SUPV3L1: variants seen among roughly 807,000 people sequenced by gnomAD.
SUPV3L1 encodes Suv3 like RNA helicase.
A neutral mutation model predicts 70.0 loss-of-function variants in SUPV3L1; 35 were observed. The observed-to-expected ratio is 0.50, with a 90% CI of 0.38 to 0.66. The LOEUF (loss-of-function observed/expected upper bound fraction) is 0.66. SUPV3L1 is among the 30% of genes least tolerant of loss of function. SUPV3L1 has a pLI of 0.00. For synonymous variants in SUPV3L1, 364 were observed against 341.9 expected, an observed-to-expected ratio of 1.06 and a Z score of -0.71; for missense variants, 777 against 961.5, an observed-to-expected ratio of 0.81 and a Z score of 2.54.
At chr10:69,186,697 G>A (rs1051212807) in intron 3 of SUPV3L1, 147 bp downstream of exon 3, 1 of 668,876 alleles carries the variant, frequency 1.5e-6, no homozygotes, top group African/African-American at 1.8e-5. Flanking sequence ...TTCACAGGAT[G>A]ACTTCTAGGT....
At chr10:69,206,412 T>G (rs879420037) in intron 13 of SUPV3L1, among the ~76,000 whole-genome samples, 2 of 152,246 alleles carry the variant, frequency 1.3e-5, no homozygotes, top group African/African-American at 2.4e-5. Context: ...AGCTTGAATC[T>G]TGAAGCTGAA....
chr10:69,207,938 T>C lies in SUPV3L1; in HGVS notation c.1922T>C (p.Leu641Pro), dbSNP rs1175023860. 6.2e-7 allele frequency: 1 copy of C among 1,613,416 alleles called. No homozygotes were observed. The change falls in exon 14 of 15, where the codon CTA becomes CCA. Residue 641 changes from leucine (L) to proline (P), a missense_variant. Around this residue, in one of 2 missense-constraint regions of SUPV3L1, gnomAD observed 619 missense variants for 823.3 expected, o/e 0.75. Coordinates refer to ENST00000359655, the MANE Select transcript of SUPV3L1 (RefSeq NM_003171.5). ...GATGTCTTGGATCTTTACTTGTGGC[T>C]AAGGTACCAACATTTTTCCTTTATG... Reference protein sequence around the residue: ...VHDVLDLYLWLSYRFMDMFPD... With the variant: ...VHDVLDLYLWPSYRFMDMFPD...
At chr10:69,190,945 C>A (rs1372192224) in intron 5 of SUPV3L1, among the ~76,000 whole-genome samples, 1 of 152,172 alleles carries the variant, frequency 6.6e-6, no homozygotes, top group Non-Finnish European at 1.5e-5. Flanking sequence ...GGTTGATCAC[C>A]CTGATACAGC....
At chr10:69,182,758 ACT>A in intron 1 of SUPV3L1, 1 of 814,130 alleles carries the variant, frequency 1.2e-6, no homozygotes, top group Non-Finnish European at 1.5e-6. Context: ...GCATTACTAC[ACT>A]CTGATATAGC....
At chr10:69,200,640 T>C (rs917729198) in intron 11 of SUPV3L1, 141 bp downstream of exon 11, 5 of 645,524 alleles carry the variant, frequency 7.7e-6, no homozygotes, top group Non-Finnish European at 7.8e-6. Context: ...AAAACTGCAT[T>C]AAAAAAAGCC....
At chr10:69,203,272 C>T (rs1842732014) in intron 13 of SUPV3L1, among the ~76,000 whole-genome samples, 1 of 152,114 alleles carries the variant, frequency 6.6e-6, no homozygotes, top group Non-Finnish European at 1.5e-5. Context: ...GGGTTCTAGC[C>T]TCTTTTAACT....
intron 8 of SUPV3L1, among the ~76,000 whole-genome samples, chr10:69,197,328 C>T (rs1311030653): frequency 6.6e-6 from 1 of 152,142 alleles, no homozygotes; most frequent in African/African-American, 2.4e-5. Context: ...TTGACAAAAC[C>T]TTGTGGGGCT....
intron 5 of SUPV3L1, 94 bp downstream of exon 5, chr10:69,189,529 A>G (rs1441776385): frequency 4.0e-6 from 5 of 1,257,252 alleles, no homozygotes; most frequent in East Asian, 2.5e-5. Flanking sequence ...ACTGTTAACA[A>G]GAAATTACCA....
In SUPV3L1 at chr10:69,208,970, A is replaced by G. The variant is rs1192078085; in HGVS notation, c.2296A>G (p.Lys766Glu). The change falls in exon 15 of 15, where the codon AAA (lysine) becomes GAA (glutamate). Residue 766 changes from lysine to glutamate, a missense_variant. By Grantham distance (56) the Lys-to-Glu change is moderately conservative (BLOSUM62 1). Transcript: ENST00000359655. ...ACAACAAACTGAACACAACAAAGAA[A>G]AAACAGAGTCTGGGACTCATCCAAA... ...MTQQTEHNKE[K>E]TESGTHPKGT... The G allele has an allele frequency of 6.2e-7, 1 of 1,614,202 alleles. No homozygotes were observed. The highest frequency in any genetic ancestry group is 2.2e-5 in the East Asian group (1 of 44,890).
chr10:69,180,438 C>T lies in SUPV3L1; in HGVS notation c.147C>T (p.Ser49=). 6.2e-7 allele frequency: 1 copy of T among 1,614,276 alleles called. No homozygotes were observed. Among genetic ancestry groups the T allele is most frequent in the Non-Finnish European group, 8.5e-7 (1 of 1,180,052 alleles). Reference sequence around the variant, plus strand: ...AAGTTTCTGTCCTTGCCACCGCCTCCTCCTCTGCCTCCGGTGGCTCCAAAA... The same window carrying T: ...AAGTTTCTGTCCTTGCCACCGCCTCTTCCTCTGCCTCCGGTGGCTCCAAAA... ...LGQVSVLATA[S]SSASGGSKIP... The change falls in exon 1 of 15, where the codon TCC becomes TCT. Residue 49 remains serine, a synonymous_variant. Transcript: ENST00000359655.
intron 1 of SUPV3L1, among the ~76,000 whole-genome samples, chr10:69,184,637 A>ACACACG (rs1282047857): frequency 6.6e-6 from 1 of 151,654 alleles, no homozygotes; most frequent in Non-Finnish European, 1.5e-5. Flanking sequence ...ACACACACAC[A>ACACACG]CACACACACA....
chr10:69,201,398 A>G (rs1386341494), intron 11 of SUPV3L1, among the ~76,000 whole-genome samples: 2 of 152,122 alleles, frequency 1.3e-5, no homozygotes, highest in Non-Finnish European at 2.9e-5. Context: ...AAATGTTCTC[A>G]TGTCTTTCTA....
At chr10:69,203,589 A>T (rs1842740413) in intron 13 of SUPV3L1, among the ~76,000 whole-genome samples, 1 of 148,114 alleles carries the variant, frequency 6.8e-6, no homozygotes, top group African/African-American at 2.5e-5. Context: ...ACTTAAACCA[A>T]GGAGGCAGAG....
rs934816984 is a variant in SUPV3L1, at chr10:69,207,850, A to T, written c.1834A>T (p.Ile612Phe). The T allele has an allele frequency of 1.9e-6, 3 of 1,614,010 alleles. No homozygotes were observed. Among genetic ancestry groups the T allele is most frequent in the Non-Finnish European group, 2.5e-6 (3 of 1,180,022 alleles). Residue 612 changes from isoleucine to phenylalanine, a missense_variant, in exon 14 of 15, where the codon ATC becomes TTC. By Grantham distance (21) the Ile-to-Phe change is conservative. Coordinates refer to ENST00000359655, the MANE Select transcript of SUPV3L1 (RefSeq NM_003171.5). ...GACCTTTGCATGGTTACGCCGATAC[A>T]TCAAATGGCCTTTACTTCCACCTAA... is the stretch of plus-strand genomic sequence containing the variant. ...PLTFAWLRRY[I>F]KWPLLPPKNI...
In SUPV3L1 at chr10:69,200,340, GA is replaced by G; in HGVS notation, c.1360del (p.Arg454GlufsTer3). ...IKPSINEKGE[R>X]ELEPITTSQA... is the part of the protein sequence containing the mutation. ...AGCCCAGTATCAATGAAAAGGGAGA[GA>G]GAGAACTAGAACCAATCACAACCTC... On this transcript the variant is annotated frameshift_variant, in exon 11 of 15. Transcript: ENST00000359655. LOFTEE classifies it high-confidence loss of function. 6.2e-7 allele frequency: 1 copy of G among 1,614,140 alleles called. No homozygotes were observed.
chr10:69,199,259 T>C (rs1842622872), intron 10 of SUPV3L1, 62 bp downstream of exon 10: 2 of 1,297,248 alleles, frequency 1.5e-6, no homozygotes, highest in East Asian at 2.4e-5. Flanking sequence ...TTTTTTGTTT[T>C]TCAGTTTTCT....
At chr10:69,180,694 C>T in intron 1 of SUPV3L1, 132 bp downstream of exon 1, 2 of 1,240,244 alleles carry the variant, frequency 1.6e-6, no homozygotes, top group Admixed American at 2.3e-5. Flanking sequence ...CTCTCAGTGT[C>T]TGCCTCCTTC....
chr10:69,193,379 A>C (rs1016161154), intron 6 of SUPV3L1: 64 of 152,206 alleles, frequency 4.2e-4, no homozygotes, highest in African/African-American at 1.5e-3. Context: ...GTTGCACAGA[A>C]GTTTATAAAT....
In SUPV3L1 at chr10:69,208,999, G is replaced by T. The variant is rs760831934; in HGVS notation, c.2325G>T (p.Gly775=). Residue 775 remains glycine (G), a synonymous_variant, in exon 15 of 15, where the codon GGG becomes GGT. Coordinates refer to ENST00000359655, the MANE Select transcript of SUPV3L1 (RefSeq NM_003171.5). ...EKTESGTHPK[G]TRRKKKEPDS... is the part of the protein sequence containing the mutation. ...CAGAGTCTGGGACTCATCCAAAAGG[G>T]ACGAGAAGAAAGAAGAAGGAACCTG... 6.4e-7 allele frequency: 1 copy of T among 1,573,282 alleles called. No individual in the cohort carries two copies. The highest frequency in any genetic ancestry group is 8.6e-7 in the Non-Finnish European group (1 of 1,161,338).
Sources: gnomAD v4.1 joint callset for allele counts (sites outside exome capture counted in the v4.1 genomes callset) on GRCh38, gnomAD v4.1.1 for gene constraint, gnomAD v4.1.1 regional missense constraint, MANE v1.5 for transcripts, NCBI Gene and HGNC (gene_info 2026-07-23, HGNC 2026-07-21) for gene names.